The following CHRNA4 variants were observed in gnomAD, a reference collection of about 807,000 sequenced individuals.
CHRNA4 encodes the protein neuronal acetylcholine receptor subunit alpha-4.
Under a neutral mutation model 48.9 loss-of-function variants are expected in CHRNA4, and 28 were observed. The observed-to-expected ratio is 0.57, with a 90% CI of 0.42 to 0.79. The LOEUF is 0.79. Ranked by LOEUF, CHRNA4 falls within the 30% of genes least tolerant of loss-of-function variation. The probability of loss-of-function intolerance (pLI) is 0.00; values close to 1 mark genes in which losing one functional copy is unlikely to be tolerated. For missense variants in CHRNA4, 859 were observed against 898.4 expected (o/e 0.96, Z 0.56); for synonymous variants, 425 against 402.3 (o/e 1.06, Z -0.68).
chr20:63,353,465 A>AG (rs1241212893), intron 4 of CHRNA4, among the ~76,000 whole-genome samples: 6 of 35,060 alleles, frequency 1.7e-4, no homozygotes, highest in Non-Finnish European at 2.9e-4. Flanking sequence ...CTGTGGTCCT[A>AG]GGGGGGCTGT....
intron 4 of CHRNA4, 78 bp downstream of exon 4, chr20:63,355,897 T>A (rs905797402): frequency 1.1e-4 from 173 of 1,573,032 alleles, no homozygotes; most frequent in Non-Finnish European, 1.3e-4. Context: ...TGGAGCTCCC[T>A]GTCTGGGCAG....
Position 63,343,282 on chromosome 20 carries a change from C to A in CHRNA4, c.*3456G>T, listed in dbSNP as rs1274902136. On this transcript the variant is annotated 3_prime_UTR_variant, in exon 6 of 6. Coordinates refer to ENST00000370263, the MANE Select transcript of CHRNA4 (RefSeq NM_000744.7). ...CACACACTGGGAGCACATTCCAGGGCTTGGCAGACATTGCCTGCAGAAGCC... is the reference window on the plus strand; with the variant it reads ...CACACACTGGGAGCACATTCCAGGGATTGGCAGACATTGCCTGCAGAAGCC... 1 of 443,482 alleles carries A rather than the reference C, an allele frequency of 2.3e-6. No individual in the cohort carries two copies. The highest frequency in any genetic ancestry group is 1.6e-5 in the South Asian group (1 of 63,834). The allele number at this position is 443,482 out of a possible 1,614,324, so 27.5% of individuals were successfully genotyped here.
chr20:63,346,975 G>C, intron 5 of CHRNA4, 112 bp from the exon 6 acceptor site: 4 of 1,521,482 alleles, frequency 2.6e-6, no homozygotes, highest in Non-Finnish European at 3.6e-6. Flanking sequence ...CCTTCCACCC[G>C]AGGCAGCCAT....
At chr20:63,352,091 C>T (rs1029393486) in intron 4 of CHRNA4, among the ~76,000 whole-genome samples, 3 of 152,208 alleles carry the variant, frequency 2.0e-5, no homozygotes, top group Non-Finnish European at 2.9e-5. Context: ...TCGGGGGGAG[C>T]GGCTGCCCAG....
chr20:63,349,897 TG>T lies in CHRNA4; in HGVS notation c.1513del (p.Gln505ArgfsTer60). On this transcript the variant is annotated frameshift_variant, in exon 5 of 6. Coordinates refer to ENST00000370263, the MANE Select transcript of CHRNA4 (RefSeq NM_000744.7). LOFTEE classifies it high-confidence loss of function. ...GCGAGAGGCCAGGGCGCCGGCAGCC[TG>T]GCCATCTGCCTCGGGGGCGGCATCG... ...RDDAAPEADG[Q>X]AAGALASRNT... is the part of the protein sequence containing the mutation. The T allele has an allele frequency of 6.3e-7, 1 of 1,594,582 alleles. No homozygotes were observed. The highest frequency in any genetic ancestry group is 8.6e-7 in the Non-Finnish European group (1 of 1,168,854).
rs1295077595 is a variant in CHRNA4, at chr20:63,345,194, GAGAGCTCGGCTCGGGGAC to G, written c.*1526_*1543del. Reference sequence around the variant, plus strand: ...ACCTCCTGACGAGACCCTGGCCCAGGAGAGCTCGGCTCGGGGACAGAGGAATGAGACTCAGTGGGACGC... The same window carrying G: ...ACCTCCTGACGAGACCCTGGCCCAGGAGAGGAATGAGACTCAGTGGGACGC... On this transcript the variant is annotated 3_prime_UTR_variant, in exon 6 of 6. Transcript: ENST00000370263. This position sits in a 1 kb window ranked among gnomAD's most constrained non-coding sequence, Gnocchi z 5.4. 1.1e-5 allele frequency: 5 copies of G among 447,272 alleles called. No homozygotes were observed. The highest frequency in any genetic ancestry group is 2.3e-5 in the Non-Finnish European group (5 of 221,418). The allele number at this position is 447,272 out of a possible 1,614,324, so 27.7% of individuals were successfully genotyped here.
chr20:63,353,997 T>C (rs1168354941), intron 4 of CHRNA4, among the ~76,000 whole-genome samples: 1 of 21,724 alleles, frequency 4.6e-5, no homozygotes, highest in Admixed American at 7.5e-4. Flanking sequence ...GGGGCTGTGG[T>C]CCTGGCGGGG....
Position 63,350,010 on chromosome 20 carries a change from G to T in CHRNA4, c.1401C>A (p.Ser467Arg). 1 of 1,531,972 alleles carries T rather than the reference G, an allele frequency of 6.5e-7. No homozygotes were observed. Among genetic ancestry groups the T allele is most frequent in the Middle Eastern group, 1.8e-4 (1 of 5,648 alleles). The allele number at this position is 1,531,972 out of a possible 1,614,324, so 94.9% of individuals were successfully genotyped here. The part of the protein sequence containing the change: ...APGLAKARSL[S>R]VQHMSSPGEA... ...CGCCAGGGCTGGACATGTGCTGGAC[G>T]CTGAGGGACCTGGCTTTGGCCAGCC... Residue 467 changes from serine (S) to arginine (R), a missense_variant, in exon 5 of 6, where the codon AGC (serine) becomes AGA (arginine). Transcript: ENST00000370263.
Position 63,350,874 on chromosome 20 carries a change from G to A in CHRNA4, c.537C>T (p.Phe179=), listed in dbSNP as rs747499031. 50 of 1,613,902 alleles carry A rather than the reference G, an allele frequency of 3.1e-5. No individual in the cohort carries two copies. Among genetic ancestry groups the A allele is most frequent in the African/African-American group, 5.3e-5 (4 of 74,884 alleles). The stretch of plus-strand genomic sequence containing the variant: ...TGGCCTTGTCGTAGGTCCAGGAGCC[G>A]AATTTCATGGTGCAGTTCTGCTGGT... The part of the protein sequence containing the change: ...PFDQQNCTMK[F]GSWTYDKAKI... Residue 179 remains phenylalanine, a synonymous_variant, in exon 5 of 6, where the codon TTC becomes TTT. Coordinates refer to ENST00000370263, the MANE Select transcript of CHRNA4 (RefSeq NM_000744.7).
At chr20:63,358,527 G>A (rs2068752919) in intron 2 of CHRNA4, among the ~76,000 whole-genome samples, 1 of 152,234 alleles carries the variant, frequency 6.6e-6, no homozygotes, top group Admixed American at 6.5e-5. Flanking sequence ...TCCCCATGTG[G>A]GGGTGCCCTC....
chr20:63,356,550 G>A, intron 2 of CHRNA4, 135 bp from the exon 3 acceptor site: 2 of 923,096 alleles, frequency 2.2e-6, no homozygotes, highest in African/African-American at 1.6e-5. Context: ...TGTGGAGGGG[G>A]TGAGTGCCCC....
intron 4 of CHRNA4, among the ~76,000 whole-genome samples, chr20:63,351,371 G>A (rs2068613284): frequency 6.6e-6 from 1 of 152,238 alleles, no homozygotes; most frequent in Non-Finnish European, 1.5e-5. Context: ...TCATCCCTGA[G>A]CTGGGCGTAG....
chr20:63,354,098 A>C (rs1210744131), intron 4 of CHRNA4, among the ~76,000 whole-genome samples: 1 of 100,826 alleles, frequency 9.9e-6, no homozygotes, highest in African/African-American at 3.9e-5. Context: ...TGCAGGAGGC[A>C]CTGTAGCCCT....
chr20:63,355,515 C>T (rs1269780352), intron 4 of CHRNA4: 2 of 1,290,552 alleles, frequency 1.5e-6, no homozygotes, highest in Non-Finnish European at 2.0e-6. Context: ...GGGCACCCTG[C>T]AGTCCACACT....
rs2123460262 is a variant in CHRNA4 at position 63,344,913 on chromosome 20, G to A, written c.*1825C>T. 1 of 404,598 alleles carries A rather than the reference G, an allele frequency of 2.5e-6. No individual in the cohort carries two copies. The highest frequency in any genetic ancestry group is 2.0e-5 in the African/African-American group (1 of 49,124). The allele number at this position is 404,598 out of a possible 1,614,324, so 25.1% of individuals were successfully genotyped here. On this transcript the variant is annotated 3_prime_UTR_variant, in exon 6 of 6. Coordinates refer to ENST00000370263, the MANE Select transcript of CHRNA4 (RefSeq NM_000744.7). This position sits in a 1 kb window ranked among gnomAD's most constrained non-coding sequence, Gnocchi z 4.5. ...ACACGGGGGATGTGGGAGGGGCCAGGGGGCTGGGGATGCCCAGGATTTGGC... is the reference window on the plus strand; with the variant it reads ...ACACGGGGGATGTGGGAGGGGCCAGAGGGCTGGGGATGCCCAGGATTTGGC...
chr20:63,361,304 G>GGGCGCGGTGCGGCGGC lies in CHRNA4; in HGVS notation c.-155_-140dup. 7.9e-7 allele frequency: 1 copy of GGGCGCGGTGCGGCGGC among 1,267,514 alleles called. No homozygotes were observed. Among genetic ancestry groups the GGGCGCGGTGCGGCGGC allele is most frequent in the Middle Eastern group, 3.1e-4 (1 of 3,268 alleles). The allele number at this position is 1,267,514 out of a possible 1,614,324, so 78.5% of individuals were successfully genotyped here. A position where few individuals can be genotyped will look rare whatever the true frequency, so the allele number is the denominator to read the frequency against. ...CGGGCCCGGTTCGTCTTCTCCTGTGGGGCGCGGTGCGGCGGCGGCGCGGCA... is the reference window on the plus strand; with the variant it reads ...CGGGCCCGGTTCGTCTTCTCCTGTGGGGCGCGGTGCGGCGGCGGCGCGGTGCGGCGGCGGCGCGGCA... On this transcript the variant is annotated 5_prime_UTR_variant, in exon 1 of 6. Transcript: ENST00000370263.
At position 63,355,469 on chromosome 20, in the gene CHRNA4, C is replaced by T. The variant is rs552624637; in HGVS notation, c.383+506G>A. The T allele has an allele frequency of 7.4e-5, 92 of 1,237,658 alleles. No individual in the cohort carries two copies. In the African/African-American group the frequency reaches 1.3e-3, roughly 18 times the overall value. The allele number at this position is 1,237,658 out of a possible 1,614,324, so 76.7% of individuals were successfully genotyped here. A position where few individuals can be genotyped will look rare whatever the true frequency, so the allele number is the denominator to read the frequency against. On this transcript the variant is annotated intron_variant, in intron 4 of 5. Coordinates refer to ENST00000370263, the MANE Select transcript of CHRNA4 (RefSeq NM_000744.7). The stretch of plus-strand genomic sequence containing the variant: ...GCAGAGAAAGCAGAGGCCCTAGTGG[C>T]ATGAGAACCATCTGGGGCTTCCTCA...
At chr20:63,357,046 A>ATCCCC (rs201806007) in intron 2 of CHRNA4, among the ~76,000 whole-genome samples, 33 of 114,318 alleles carry the variant, frequency 2.9e-4, no homozygotes, top group South Asian at 1.4e-3. Context: ...ACAGGACCAC[A>ATCCCC]ACCCACAGGA....
intron 5 of CHRNA4, among the ~76,000 whole-genome samples, chr20:63,347,943 G>A (rs2068522060): frequency 1.3e-5 from 2 of 152,250 alleles, no homozygotes; most frequent in African/African-American, 4.8e-5. Context: ...GGCAAACGGG[G>A]TCACTTATAA....
Sources: allele counts gnomAD v4.1 joint callset (sites outside exome capture counted in the v4.1 genomes callset), GRCh38; gene constraint gnomAD v4.1.1; non-coding constraint Gnocchi (gnomAD v3.1); transcripts MANE v1.5; gene names NCBI Gene and HGNC (gene_info 2026-07-23, HGNC 2026-07-21).